Variants in GALNT17 observed in about 807,000 individuals in gnomAD.
The protein encoded by GALNT17 is polypeptide N-acetylgalactosaminyltransferase 17, also known as UDP-GalNAc:polypeptide N-acetylgalactosaminyltransferase-like 3.
A neutral mutation model predicts 63.7 loss-of-function variants in GALNT17; 29 were observed. The ratio of observed to expected loss-of-function variants is 0.46; its 90% confidence interval spans 0.34 to 0.62. The LOEUF (loss-of-function observed/expected upper bound fraction) is 0.62. GALNT17 is among the 20% of genes least tolerant of loss of function. The pLI, the probability that GALNT17 is intolerant of heterozygous loss-of-function variation, is 0.01. For missense variants in GALNT17, 603 were observed against 799.6 expected, an observed-to-expected ratio of 0.75 and a Z score of 2.97; for synonymous variants, 305 against 318.3, an observed-to-expected ratio of 0.96 and a Z score of 0.45.
rs546816838 is a variant in GALNT17, at chr7:71,547,999, G to A, written c.963-23286G>A. 1.4e-4 allele frequency among the ~76,000 whole-genome samples: 21 copies of A among 152,132 alleles called. No individual in the cohort carries two copies. The East Asian group carries it at 1.6e-3, about 11-fold the overall frequency. ...TCCTAGCACTCTGGGAGGGCAAGGCGGGTGGATTGCTTGAAGTCAGGAGTT... is the reference window on the plus strand; with the variant it reads ...TCCTAGCACTCTGGGAGGGCAAGGCAGGTGGATTGCTTGAAGTCAGGAGTT... On this transcript the variant is annotated intron_variant, in intron 5 of 10. Coordinates refer to ENST00000333538, the MANE Select transcript of GALNT17 (RefSeq NM_022479.3).
At chr7:71,232,007 A>T (rs956973499) in intron 1 of GALNT17, among the ~76,000 whole-genome samples, 1 of 152,114 alleles carries the variant, frequency 6.6e-6, no homozygotes, top group African/African-American at 2.4e-5. Context: ...CTTGGGTTAT[A>T]TGAGGGTCTT....
At chr7:71,354,101 C>T (rs1008937251) in intron 2 of GALNT17, among the ~76,000 whole-genome samples, 3 of 152,112 alleles carry the variant, frequency 2.0e-5, no homozygotes, top group African/African-American at 7.2e-5. Context: ...GGTGTTAAAC[C>T]GTAAGAAACT....
chr7:71,516,097 A>G (rs1049051743), intron 5 of GALNT17, among the ~76,000 whole-genome samples: 7 of 152,032 alleles, frequency 4.6e-5, no homozygotes, highest in African/African-American at 1.7e-4. Context: ...TGAGATACGC[A>G]TTGGACTCTT....
At chr7:71,413,695 T>C (rs1451464588) in intron 3 of GALNT17, among the ~76,000 whole-genome samples, 2 of 152,104 alleles carry the variant, frequency 1.3e-5, no homozygotes, top group East Asian at 3.9e-4. Context: ...TGTAAGCATC[T>C]TGAGGGAGCA....
intron 6 of GALNT17, among the ~76,000 whole-genome samples, chr7:71,577,721 T>C (rs11974577): frequency 0.12 from 17,526 of 152,190 alleles, 1,709 homozygotes; most frequent in African/African-American, 0.27. Context: ...AACATAACAT[T>C]CTTAAAAAGC....
intron 5 of GALNT17, among the ~76,000 whole-genome samples, chr7:71,517,242 G>T (rs933089054): frequency 3.9e-5 from 6 of 152,114 alleles, no homozygotes; most frequent in African/African-American, 7.2e-5. Context: ...ATACCTTCTG[G>T]CTGTGTCCTC....
intron 1 of GALNT17, among the ~76,000 whole-genome samples, chr7:71,220,594 C>G (rs79728096): frequency 6.6e-6 from 1 of 152,084 alleles, no homozygotes; most frequent in Non-Finnish European, 1.5e-5. Flanking sequence ...ATGGTCCTAA[C>G]CTCAAGTATC....
chr7:71,481,916 T>C (rs1048070585), intron 5 of GALNT17, among the ~76,000 whole-genome samples: 3 of 152,108 alleles, frequency 2.0e-5, no homozygotes, highest in Non-Finnish European at 4.4e-5. Context: ...CTGTCTTCCC[T>C]GTGGACTGCA....
At chr7:71,625,467 C>G (rs1790358770) in intron 6 of GALNT17, among the ~76,000 whole-genome samples, 1 of 151,832 alleles carries the variant, frequency 6.6e-6, no homozygotes, top group Admixed American at 6.6e-5. Flanking sequence ...TTTATAAAAC[C>G]ACACTCCAAG....
chr7:71,546,225 A>C (rs553058362), intron 5 of GALNT17, among the ~76,000 whole-genome samples: 19 of 151,686 alleles, frequency 1.3e-4, no homozygotes, highest in African/African-American at 4.6e-4. Context: ...CAATGGCACA[A>C]TCATGGCTCA....
chr7:71,175,942 T>C (rs1487188555), intron 1 of GALNT17, among the ~76,000 whole-genome samples: 1 of 152,054 alleles, frequency 6.6e-6, no homozygotes, highest in Admixed American at 6.6e-5. Context: ...AATCTTCAAT[T>C]TGGACAGAGC....
chr7:71,434,126 C>G (rs893968580), intron 5 of GALNT17, among the ~76,000 whole-genome samples: 1 of 152,176 alleles, frequency 6.6e-6, no homozygotes. Flanking sequence ...TTGAAGGCTG[C>G]ACTGTCAACT....
chr7:71,222,191 G>C (rs2116423091), intron 1 of GALNT17, among the ~76,000 whole-genome samples: 1 of 152,108 alleles, frequency 6.6e-6, no homozygotes, highest in Admixed American at 6.5e-5. Flanking sequence ...ATAGGTGTGA[G>C]CCACCACTGC....
At chr7:71,400,997 G>C (rs941669606) in intron 3 of GALNT17, among the ~76,000 whole-genome samples, 1 of 152,150 alleles carries the variant, frequency 6.6e-6, no homozygotes, top group African/African-American at 2.4e-5. Flanking sequence ...TAAAACTTAG[G>C]TGAGTTGTAA....
chr7:71,602,131 C>T (rs1001758090), intron 6 of GALNT17, among the ~76,000 whole-genome samples: 1 of 152,222 alleles, frequency 6.6e-6, no homozygotes, highest in Non-Finnish European at 1.5e-5. Flanking sequence ...TTGTCCTAAA[C>T]TTATGATCTT....
chr7:71,386,736 G>C (rs1190551374), intron 2 of GALNT17, among the ~76,000 whole-genome samples: 2 of 152,160 alleles, frequency 1.3e-5, no homozygotes, highest in South Asian at 4.1e-4. Flanking sequence ...ATGTCAGCAG[G>C]TTGTCCTGTC....
At position 71,415,888 on chromosome 7, in the gene GALNT17, G is replaced by C. The variant is rs1563076139; in HGVS notation, c.590-1G>C. 1 of 1,576,174 alleles carries C rather than the reference G, an allele frequency of 6.3e-7. No individual in the cohort carries two copies. Among genetic ancestry groups the C allele is most frequent in the Non-Finnish European group, 8.6e-7 (1 of 1,161,578 alleles). On this transcript the variant is annotated splice_acceptor_variant, in intron 3 of 10. Transcript: ENST00000333538. LOFTEE classifies it high-confidence loss of function. Reference sequence around the variant, plus strand: ...CCTTCTTGCATTTTTGTCATTTGCAGAGGAGCTGAAGGTCCCCCTAGAGGA... The same window carrying C: ...CCTTCTTGCATTTTTGTCATTTGCACAGGAGCTGAAGGTCCCCCTAGAGGA...
chr7:71,521,598 G>C (rs1788532090), intron 5 of GALNT17, among the ~76,000 whole-genome samples: 1 of 152,218 alleles, frequency 6.6e-6, no homozygotes, highest in Non-Finnish European at 1.5e-5. Flanking sequence ...ACTGAACGCA[G>C]TTCTGAGCCA....
intron 1 of GALNT17, among the ~76,000 whole-genome samples, chr7:71,268,842 G>C (rs1476493670): frequency 6.6e-6 from 1 of 152,132 alleles, no homozygotes; most frequent in South Asian, 2.1e-4. Context: ...GAGGGCAGGA[G>C]TTTGGTAGGC....
Sources: gnomAD v4.1 joint callset for allele counts (sites outside exome capture counted in the v4.1 genomes callset) on GRCh38, gnomAD v4.1.1 for gene constraint, MANE v1.5 for transcripts, NCBI Gene and HGNC (gene_info 2026-07-23, HGNC 2026-07-21) for gene names.